SPIRE1: variants seen among roughly 807,000 people sequenced by gnomAD.
The protein encoded by SPIRE1 is protein spire homolog 1.
Under a neutral mutation model 94.1 loss-of-function variants are expected in SPIRE1, and 40 were observed. That is an observed-to-expected ratio of 0.43 (90% CI 0.33 to 0.55). The LOEUF is 0.55. Among genes scored for constraint, SPIRE1 ranks in the 20% least tolerant of loss-of-function variants. SPIRE1 has a pLI of 0.06. For synonymous variants in SPIRE1, 376 were observed against 371.7 expected, an observed-to-expected ratio of 1.01 and a Z score of -0.13; for missense variants, 838 against 975.2, an observed-to-expected ratio of 0.86 and a Z score of 1.87.
upstream of SPIRE1, among the ~76,000 whole-genome samples, chr18:12,659,143 A>G (rs2038642395): frequency 6.6e-6 from 1 of 152,232 alleles, no homozygotes; most frequent in Non-Finnish European, 1.5e-5. Context: ...AAAGCCCTAC[A>G]GAGTGTTGAA....
chr18:12,459,874 T>C (rs948173458), intron 12 of SPIRE1: 3 of 985,494 alleles, frequency 3.0e-6, no homozygotes, highest in South Asian at 4.7e-5. Context: ...GTTTGTATGG[T>C]AGAAAAAAGT....
chr18:12,630,766 C>T (rs990539036), intron 2 of SPIRE1, among the ~76,000 whole-genome samples: 8 of 152,180 alleles, frequency 5.3e-5, no homozygotes, highest in African/African-American at 1.9e-4. Context: ...CAAGGGCCAC[C>T]TAACAAGGCC....
Position 12,637,215 on chromosome 18 carries a change from C to T in SPIRE1, c.338-2119G>A, listed in dbSNP as rs189438063. ...TCTATTAAAAATACAAAACATTAGC[C>T]GGGTGTGGTGGCAAGTGCCTGTAGT... On this transcript the variant is annotated intron_variant, in intron 1 of 16. Transcript: ENST00000409402. Among the ~76,000 whole-genome samples, 5 of 152,016 alleles carry T rather than the reference C, an allele frequency of 3.3e-5. No homozygotes were observed. In the East Asian group the frequency reaches 5.8e-4, roughly 18 times the overall value.
chr18:12,661,105 C>T (rs575291581), upstream of SPIRE1, among the ~76,000 whole-genome samples: 17 of 152,094 alleles, frequency 1.1e-4, no homozygotes, highest in South Asian at 3.3e-3. Context: ...GTCAGGAGTT[C>T]GAGACCAGCC....
At chr18:12,651,616 G>C (rs748289158) in intron 1 of SPIRE1, among the ~76,000 whole-genome samples, 1 of 152,196 alleles carries the variant, frequency 6.6e-6, no homozygotes, top group African/African-American at 2.4e-5. Flanking sequence ...GGAGGCTGCA[G>C]TGAGCCGAGA....
chr18:12,510,108 A>T (rs2033986679), intron 5 of SPIRE1, among the ~76,000 whole-genome samples: 1 of 151,768 alleles, frequency 6.6e-6, no homozygotes, highest in East Asian at 1.9e-4. Flanking sequence ...AACTAAAAAA[A>T]CAGTATATAC....
At chr18:12,660,837 T>C (rs1179668179), upstream of SPIRE1, among the ~76,000 whole-genome samples, 1 of 152,186 alleles carries the variant, frequency 6.6e-6, no homozygotes, top group Admixed American at 6.5e-5. Context: ...GTAATTAAGT[T>C]GAGGAAAGAT....
At chr18:12,515,989 C>G (rs1300224051) in intron 4 of SPIRE1, 1 of 152,146 alleles carries the variant, frequency 6.6e-6, no homozygotes, top group East Asian at 1.9e-4. Context: ...CTAGGAGTCT[C>G]CCAGGGAAAT....
intron 7 of SPIRE1, among the ~76,000 whole-genome samples, chr18:12,493,978 C>T (rs756662987): frequency 2.6e-5 from 4 of 152,074 alleles, no homozygotes; most frequent in South Asian, 2.1e-4. Flanking sequence ...GATCATGGCT[C>T]ACTGTGGTCT....
chr18:12,495,064 A>AAC (rs1261620465), intron 7 of SPIRE1, among the ~76,000 whole-genome samples: 1 of 151,286 alleles, frequency 6.6e-6, no homozygotes, highest in African/African-American at 2.4e-5. Flanking sequence ...AAAAAAAAAA[A>AAC]AAACCCTCCT....
intron 3 of SPIRE1, among the ~76,000 whole-genome samples, chr18:12,537,496 C>A (rs2034875940): frequency 6.6e-6 from 1 of 152,206 alleles, no homozygotes; most frequent in Non-Finnish European, 1.5e-5. Context: ...AAAACTTGCA[C>A]ATTCAATTGA....
At chr18:12,624,019 G>C (rs754246520) in intron 2 of SPIRE1, among the ~76,000 whole-genome samples, 15 of 151,360 alleles carry the variant, frequency 9.9e-5, no homozygotes, top group Non-Finnish European at 1.8e-4. Context: ...TGCCTCAAGG[G>C]TTCAAGCCAT....
At position 12,449,343 on chromosome 18, in the gene SPIRE1, T is replaced by C. The variant is rs1469736134; in HGVS notation, c.*295A>G. ...AGTCAGGAGATTATTCGAGGAACAGTAAAGAACTGAACTAAGGAAGTAGCT... is the reference window on the plus strand; with the variant it reads ...AGTCAGGAGATTATTCGAGGAACAGCAAAGAACTGAACTAAGGAAGTAGCT... On this transcript the variant is annotated 3_prime_UTR_variant, in exon 17 of 17. Transcript: ENST00000409402. 2 of 368,366 alleles carry C rather than the reference T, an allele frequency of 5.4e-6. No individual in the cohort carries two copies. Among genetic ancestry groups the C allele is most frequent in the Middle Eastern group, 8.1e-4 (1 of 1,230 alleles). The allele number at this position is 368,366 out of a possible 1,614,324, so 22.8% of individuals were successfully genotyped here.
chr18:12,566,967 A>G (rs2035837232), intron 2 of SPIRE1, among the ~76,000 whole-genome samples: 1 of 152,218 alleles, frequency 6.6e-6, no homozygotes, highest in Non-Finnish European at 1.5e-5. Flanking sequence ...AATTGAATCC[A>G]ACCATGTACC....
chr18:12,654,128 G>A (rs2038459529), intron 1 of SPIRE1, among the ~76,000 whole-genome samples: 2 of 151,434 alleles, frequency 1.3e-5, no homozygotes, highest in South Asian at 4.2e-4. Context: ...CCTGAGGTCA[G>A]GAGTTTGAGA....
chr18:12,461,494 GCACGTACA>G (rs1568183959), intron 12 of SPIRE1, among the ~76,000 whole-genome samples: 1 of 148,952 alleles, frequency 6.7e-6, no homozygotes, highest in Non-Finnish European at 1.5e-5. Context: ...ATGTGTGTAT[GCACGTACA>G]TATGTACGTA....
At chr18:12,478,873 A>C (rs528261183) in intron 10 of SPIRE1, among the ~76,000 whole-genome samples, 72 of 152,210 alleles carry the variant, frequency 4.7e-4, no homozygotes, top group Non-Finnish European at 9.6e-4. Context: ...CACAAGGGGC[A>C]GTAGGTGGAT....
chr18:12,547,602 T>C (rs1314769600), intron 2 of SPIRE1, among the ~76,000 whole-genome samples: 1 of 152,210 alleles, frequency 6.6e-6, no homozygotes, highest in Non-Finnish European at 1.5e-5. Context: ...ATAAAACCTT[T>C]TAATTTTATT....
intron 2 of SPIRE1, among the ~76,000 whole-genome samples, chr18:12,617,125 G>T (rs1383186160): frequency 6.8e-6 from 1 of 146,022 alleles, no homozygotes; most frequent in Admixed American, 7.0e-5. Context: ...CTCCCAAAGT[G>T]CTGGGATTAC....
Sources: allele counts gnomAD v4.1 joint callset (sites outside exome capture counted in the v4.1 genomes callset), GRCh38; gene constraint gnomAD v4.1.1; transcripts MANE v1.5; gene names NCBI Gene and HGNC (gene_info 2026-07-23, HGNC 2026-07-21).